Variants in PLA2G3 observed in about 807,000 individuals in gnomAD.
The protein encoded by PLA2G3 is phospholipase A2 group III.
In PLA2G3, 39 loss-of-function variants were observed where a neutral mutation model predicts 51.3. The ratio of observed to expected loss-of-function variants is 0.76; its 90% confidence interval spans 0.59 to 0.99. The LOEUF (loss-of-function observed/expected upper bound fraction) is 0.99, where lower values mean the gene tolerates loss of function less well. PLA2G3 is among the 50% of genes least tolerant of loss of function. The pLI is 0.00. For missense variants in PLA2G3, 677 were observed against 662.1 expected (o/e 1.02, Z -0.25); for synonymous variants, 293 against 263.1 (o/e 1.11, Z -1.10).
intron 3 of PLA2G3, 51 bp downstream of exon 3, chr22:31,138,225 G>A: frequency 6.3e-7 from 1 of 1,597,506 alleles, no homozygotes; most frequent in Non-Finnish European, 8.6e-7. Context: ...CAGGCTTGGA[G>A]CCTGGGCTCC....
chr22:31,139,684 T>C lies in PLA2G3; in HGVS notation c.514+157A>G, dbSNP rs578056534. 5.3e-5 allele frequency among the ~76,000 whole-genome samples: 8 copies of C among 152,172 alleles called. No individual in the cohort carries two copies. The South Asian group carries it at 1.2e-3, about 24-fold the overall frequency. On this transcript the variant is annotated intron_variant, in intron 1 of 6. Coordinates refer to ENST00000215885, the MANE Select transcript of PLA2G3 (RefSeq NM_015715.5). ...CTCATTTAAGCACCCCATGATGAGA[T>C]TCGTGATTGCCCCCACTTTACAGAT...
In PLA2G3 at chr22:31,138,293, C is replaced by T. The variant is rs760166205; in HGVS notation, c.765G>A (p.Ala255=). 2.0e-5 allele frequency: 32 copies of T among 1,613,702 alleles called. No homozygotes were observed. The highest frequency in any genetic ancestry group is 1.2e-4 in the Admixed American group (7 of 59,994). The change falls in exon 3 of 7, where the codon GCG becomes GCA. Residue 255 remains alanine (A), a synonymous_variant. Transcript: ENST00000215885. ...FVLEEQEACV[A]WYWWGGCRMY... is the part of the protein sequence containing the mutation. Reference sequence around the variant, plus strand: ...CCACGTACCCGCCCCACCAGTACCACGCCACACACGCCTCCTGCTCCTCCA... The same window carrying T: ...CCACGTACCCGCCCCACCAGTACCATGCCACACACGCCTCCTGCTCCTCCA...
chr22:31,139,489 C>A (rs539129103), intron 1 of PLA2G3, among the ~76,000 whole-genome samples: 3 of 152,216 alleles, frequency 2.0e-5, no homozygotes, highest in African/African-American at 7.2e-5. Context: ...TGAACCCAGG[C>A]CTTTCGTCTC....
In PLA2G3 at chr22:31,137,815, G is replaced by A. The variant is rs760359894; in HGVS notation, c.961C>T (p.Pro321Ser). The A allele has an allele frequency of 6.2e-7, 1 of 1,614,090 alleles. No homozygotes were observed. Among genetic ancestry groups the A allele is most frequent in the Non-Finnish European group, 8.5e-7 (1 of 1,180,010 alleles). ...AGGGCTGTGGTGTTGGCTTTGCTGG[G>A]GCGCTTGGACCCTTTCTGATGTGGT... ...GPPHQKGSKR[P>S]SKANTTALQD... The change falls in exon 4 of 7, where the codon CCC becomes TCC. Residue 321 changes from proline (P) to serine (S), a missense_variant. Pro to Ser is a moderately conservative substitution (Grantham distance 74, BLOSUM62 -1). Transcript: ENST00000215885.
In PLA2G3 at chr22:31,138,262, G is replaced by A. The variant is rs561714804; in HGVS notation, c.782+14C>T. 2.5e-6 allele frequency: 4 copies of A among 1,612,296 alleles called. No individual in the cohort carries two copies. The highest frequency in any genetic ancestry group is 1.3e-5 in the African/African-American group (1 of 74,988). On this transcript the variant is annotated intron_variant, in intron 3 of 6. Coordinates refer to ENST00000215885, the MANE Select transcript of PLA2G3 (RefSeq NM_015715.5). ...TCTCTGTCTGGAAAGGGACATGAGG[G>A]GGTGGCCACGTACCCGCCCCACCAG...
rs1464747218 is a variant in PLA2G3, at chr22:31,140,155, C to A, written c.200G>T (p.Arg67Met). The change falls in exon 1 of 7, where the codon AGG becomes ATG. Residue 67 changes from arginine to methionine, a missense_variant. Coordinates refer to ENST00000215885, the MANE Select transcript of PLA2G3 (RefSeq NM_015715.5). The part of the protein sequence containing the change: ...LIHARWDAHR[R>M]LQSCSWEDEP... ...ATCCTCCCAGCTACATGACTGCAGC[C>A]TCCTATGCGCATCCCAGCGGGCATG... 6.2e-7 allele frequency: 1 copy of A among 1,612,702 alleles called. No homozygotes were observed. The highest frequency in any genetic ancestry group is 2.2e-5 in the East Asian group (1 of 44,880).
In PLA2G3 at chr22:31,134,969, GAA is replaced by G. The variant is rs1216766900; in HGVS notation, c.*752_*753del. On this transcript the variant is annotated 3_prime_UTR_variant, in exon 7 of 7. Coordinates refer to ENST00000215885, the MANE Select transcript of PLA2G3 (RefSeq NM_015715.5). Reference sequence around the variant, plus strand: ...TAGTTCAGCTAGGTGTCGCAGGGGGGAATACTTATTAAGTGCTAAGCACTGTA... The same window carrying G: ...TAGTTCAGCTAGGTGTCGCAGGGGGGTACTTATTAAGTGCTAAGCACTGTA... The G allele has an allele frequency of 6.5e-6, 1 of 153,278 alleles. No individual in the cohort carries two copies. The highest frequency in any genetic ancestry group is 1.5e-5 in the Non-Finnish European group (1 of 68,906). The allele number at this position is 153,278 out of a possible 1,614,324, so 9.5% of individuals were successfully genotyped here.
At position 31,140,266 on chromosome 22, in the gene PLA2G3, G is replaced by A. The variant is rs1248836837; in HGVS notation, c.89C>T (p.Ser30Phe). 2.5e-6 allele frequency: 4 copies of A among 1,612,436 alleles called. No homozygotes were observed. The Admixed American group carries it at 5.0e-5, about 20-fold the overall frequency. ...AGGGACGGCCTTGGTCAAGTGGCAG[G>A]AGGTCCTGTACCAGCGGAGGGCAGG... ...GSPALRWYRT[S>F]CHLTKAVPGN... The change falls in exon 1 of 7, where the codon TCC becomes TTC. Residue 30 changes from serine to phenylalanine, a missense_variant. By Grantham distance (155) the Ser-to-Phe change is radical. Transcript: ENST00000215885.
At chr22:31,138,055 G>T (rs1183636135) in intron 3 of PLA2G3, 62 bp from the exon 4 acceptor site, 7 of 1,491,198 alleles carry the variant, frequency 4.7e-6, no homozygotes, top group East Asian at 2.3e-5. Flanking sequence ...AGCCCCCAGG[G>T]TCGTCTCCAT....
rs138057115 is a variant in PLA2G3 at position 31,140,179 on chromosome 22, T to C, written c.176A>G (p.His59Arg). ...CCTCCTATGCGCATCCCAGCGGGCA[T>C]GGATCAGGGCCAGTCCCTGAGCATC... ...AKDAQGLALI[H>R]ARWDAHRRLQ... Residue 59 changes from histidine to arginine, a missense_variant, in exon 1 of 7, where the codon CAT becomes CGT. His to Arg is a conservative substitution (Grantham distance 29). Transcript: ENST00000215885. The C allele has an allele frequency of 1.7e-5, 27 of 1,612,584 alleles. No individual in the cohort carries two copies. The highest frequency in any genetic ancestry group is 2.1e-5 in the Non-Finnish European group (25 of 1,179,894).
rs566700508 is a variant in PLA2G3, at chr22:31,139,980, T to G, written c.375A>C (p.Pro125=). The G allele has an allele frequency of 1.9e-6, 3 of 1,613,964 alleles. No homozygotes were observed. Among genetic ancestry groups the G allele is most frequent in the African/African-American group, 2.7e-5 (2 of 75,048 alleles). ...WEACRALEES[P]AGARKKRAAG... ...CTGCTCGCTTCTTCCTGGCCCCTGC[T>G]GGACTCTCCTCAAGCGCTCGGCATG... Residue 125 remains proline, a synonymous_variant, in exon 1 of 7, where the codon CCA becomes CCC. Coordinates refer to ENST00000215885, the MANE Select transcript of PLA2G3 (RefSeq NM_015715.5).
In PLA2G3 at chr22:31,137,863, T is replaced by C. The variant is rs768549481; in HGVS notation, c.913A>G (p.Lys305Glu). 6.2e-7 allele frequency: 1 copy of C among 1,614,038 alleles called. No homozygotes were observed. ...GGTGGCCCCTTCCGAAGGTGCTGCT[T>C]CTGTCGAGGCTTGGGAGGGGCTGGG... is the stretch of plus-strand genomic sequence containing the variant. ...RSPAPPKPRQ[K>E]QHLRKGPPHQ... The change falls in exon 4 of 7, where the codon AAG (lysine) becomes GAG (glutamate). Residue 305 changes from lysine (K) to glutamate (E), a missense_variant. Transcript: ENST00000215885.
Position 31,137,930 on chromosome 22 carries a change from G to A in PLA2G3, c.846C>T (p.Ser282=). 5 of 1,612,030 alleles carry A rather than the reference G, an allele frequency of 3.1e-6. No individual in the cohort carries two copies. Among genetic ancestry groups the A allele is most frequent in the Non-Finnish European group, 4.2e-6 (5 of 1,179,026 alleles). The part of the protein sequence containing the change: ...RLQPRTFYNA[S]WSSRATSPTP... ...TTGGGGAGGTGGCCCGGGAGCTCCA[G>A]GAGGCATTGTAGAAGGTCCTGGGCT... Residue 282 remains serine (S), a synonymous_variant, in exon 4 of 7, where the codon TCC becomes TCT. Transcript: ENST00000215885.
At chr22:31,138,217 G>A in intron 3 of PLA2G3, 59 bp downstream of exon 3, 2 of 1,588,970 alleles carry the variant, frequency 1.3e-6, no homozygotes, top group East Asian at 2.3e-5. Context: ...TCCCTCACCA[G>A]GCTTGGAGCC....
intron 6 of PLA2G3, among the ~76,000 whole-genome samples, chr22:31,136,245 G>A (rs1397654234): frequency 1.3e-5 from 2 of 152,206 alleles, no homozygotes; most frequent in Admixed American, 6.5e-5. Context: ...AGTGGCTCAC[G>A]CCTGTAATCC....
chr22:31,138,531 C>T (rs1315743294), intron 2 of PLA2G3, 121 bp from the exon 3 acceptor site: 1 of 1,503,330 alleles, frequency 6.7e-7, no homozygotes, highest in Admixed American at 1.7e-5. Flanking sequence ...TTTCTGGCCT[C>T]AGCTTTCCTA....
chr22:31,137,044 A>AG lies in PLA2G3; in HGVS notation c.1067-5dup, dbSNP rs1460393181. ...CTGCGGCAGACCCAGCGGGCACCTG[A>AG]GGGGTGGATGTGGTGTTGATGGGAG... is the stretch of plus-strand genomic sequence containing the variant. On this transcript the variant is annotated splice_region_variant and splice_polypyrimidine_tract_variant and intron_variant, in intron 4 of 6. Transcript: ENST00000215885. 1 of 1,529,260 alleles carries AG rather than the reference A, an allele frequency of 6.5e-7. No homozygotes were observed. Among genetic ancestry groups the AG allele is most frequent in the South Asian group, 1.2e-5 (1 of 82,204 alleles). The allele number at this position is 1,529,260 out of a possible 1,614,324, so 94.7% of individuals were successfully genotyped here.
In PLA2G3 at chr22:31,139,848, C is replaced by T. The variant is rs113303566; in HGVS notation, c.507G>A (p.Ser169=). The change falls in exon 1 of 7, where the codon TCG becomes TCA. Residue 169 remains serine, a synonymous_variant. Transcript: ENST00000215885. ...ACACCCCTCATGGCTCACCCAGCTC[C>T]GAGGAGTTCCCAGCAGAATCTCCAA... ...CGVGDSAGNS[S]ELGVFQGPDL... The T allele has an allele frequency of 3.7e-6, 6 of 1,612,488 alleles. No individual in the cohort carries two copies. The highest frequency in any genetic ancestry group is 1.7e-4 in the Middle Eastern group (1 of 6,052).
In PLA2G3 at chr22:31,140,290, G is replaced by A. The variant is rs765256970; in HGVS notation, c.65C>T (p.Pro22Leu). 6.8e-6 allele frequency: 11 copies of A among 1,611,170 alleles called. No individual in the cohort carries two copies. The highest frequency in any genetic ancestry group is 9.3e-6 in the Non-Finnish European group (11 of 1,179,720). Residue 22 changes from proline to leucine, a missense_variant, in exon 1 of 7, where the codon CCT becomes CTT. Transcript: ENST00000215885. ...GFLGVALGGS[P>L]ALRWYRTSCH... ...GGAGGTCCTGTACCAGCGGAGGGCA[G>A]GGGAGCCCCCCAGGGCCACCCCCAG...
Sources: allele counts gnomAD v4.1 joint callset (sites outside exome capture counted in the v4.1 genomes callset), GRCh38; gene constraint gnomAD v4.1.1; transcripts MANE v1.5; gene names NCBI Gene and HGNC (gene_info 2026-07-23, HGNC 2026-07-21).